ATRNL1: variants seen among roughly 807,000 people sequenced by gnomAD.
The protein encoded by ATRNL1 is attractin like 1.
A neutral mutation model predicts 182.7 loss-of-function variants in ATRNL1; 95 were observed. That is an observed-to-expected ratio of 0.52 (90% CI 0.44 to 0.62). The LOEUF (loss-of-function observed/expected upper bound fraction) is 0.62. Ranked by LOEUF, ATRNL1 falls within the 20% of genes least tolerant of loss-of-function variation. The pLI, the probability that ATRNL1 is intolerant of heterozygous loss-of-function variation, is 0.00. For missense variants in ATRNL1, 1,471 were observed against 1,679.5 expected, an observed-to-expected ratio of 0.88 and a Z score of 2.17; for synonymous variants, 576 against 568.3, an observed-to-expected ratio of 1.01 and a Z score of -0.19.
intron 1 of ATRNL1, among the ~76,000 whole-genome samples, chr10:115,108,843 C>G (rs1554866953): frequency 6.6e-6 from 1 of 152,188 alleles, no homozygotes; most frequent in African/African-American, 2.4e-5. Flanking sequence ...TAATTCCTTT[C>G]TAACTCCCAT....
At chr10:115,730,675 C>T (rs1947770589) in intron 27 of ATRNL1, among the ~76,000 whole-genome samples, 1 of 152,026 alleles carries the variant, frequency 6.6e-6, no homozygotes, top group Non-Finnish European at 1.5e-5. Flanking sequence ...GTTATCTAGC[C>T]ATCTGCTTTT....
At chr10:115,443,117 G>A (rs1592665344) in intron 21 of ATRNL1, among the ~76,000 whole-genome samples, 1 of 152,004 alleles carries the variant, frequency 6.6e-6, no homozygotes, top group Middle Eastern at 3.4e-3. Context: ...TACATTTTCT[G>A]TTGAATGTAA....
chr10:115,509,734 A>C (rs1186622596), intron 24 of ATRNL1, among the ~76,000 whole-genome samples: 1 of 152,018 alleles, frequency 6.6e-6, no homozygotes, highest in African/African-American at 2.4e-5. Context: ...GAATGGTCTA[A>C]GTACAATAAC....
chr10:115,671,721 A>T (rs74158231), intron 26 of ATRNL1, among the ~76,000 whole-genome samples: 1,767 of 152,260 alleles, frequency 0.012, 36 homozygotes, highest in African/African-American at 0.04. Flanking sequence ...CCTCCAAAGG[A>T]AAGGGATCTT....
chr10:115,247,518 CAAAA>C (rs1554904374), intron 10 of ATRNL1, among the ~76,000 whole-genome samples: 1 of 151,832 alleles, frequency 6.6e-6, no homozygotes, highest in Admixed American at 6.6e-5. Flanking sequence ...ATCAAAAAGA[CAAAA>C]AAATAACAAA....
chr10:115,597,232 G>A (rs1555014291), intron 26 of ATRNL1, among the ~76,000 whole-genome samples: 1 of 152,092 alleles, frequency 6.6e-6, no homozygotes, highest in East Asian at 1.9e-4. Flanking sequence ...TGAGGCTCTA[G>A]TGAATCATGT....
chr10:115,204,908 T>A (rs1212276568), intron 8 of ATRNL1, among the ~76,000 whole-genome samples: 3 of 152,090 alleles, frequency 2.0e-5, no homozygotes, highest in Non-Finnish European at 1.5e-5. Flanking sequence ...TTCCTGGGCT[T>A]TCTTTGTTGG....
chr10:115,156,722 T>A lies in ATRNL1; in HGVS notation c.830-3318T>A, dbSNP rs1382772029. ...TTTATTACACCCTTTAAAAAACAGCTGAGATATACTACCTTGAGAAATTGT... is the reference window on the plus strand; with the variant it reads ...TTTATTACACCCTTTAAAAAACAGCAGAGATATACTACCTTGAGAAATTGT... On this transcript the variant is annotated intron_variant, in intron 5 of 28. Coordinates refer to ENST00000355044, the MANE Select transcript of ATRNL1 (RefSeq NM_207303.4). 2.6e-5 allele frequency among the ~76,000 whole-genome samples: 4 copies of A among 152,130 alleles called. No individual in the cohort carries two copies. The East Asian group carries it at 7.7e-4, about 29-fold the overall frequency.
chr10:115,505,931 C>A (rs1281770341), intron 24 of ATRNL1, among the ~76,000 whole-genome samples: 12 of 150,628 alleles, frequency 8.0e-5, no homozygotes, highest in Non-Finnish European at 1.8e-4. Context: ...ATTCAGGAAC[C>A]AAACCCAGGG....
chr10:115,882,437 G>A (rs7080725), intron 28 of ATRNL1, among the ~76,000 whole-genome samples: 3,713 of 152,244 alleles, frequency 0.024, 72 homozygotes, highest in African/African-American at 0.056. Flanking sequence ...CACTGAGTTA[G>A]TTGTTCTTTC....
intron 27 of ATRNL1, among the ~76,000 whole-genome samples, chr10:115,837,314 C>T (rs995022067): frequency 2.0e-4 from 30 of 152,162 alleles, no homozygotes; most frequent in African/African-American, 7.2e-4. Flanking sequence ...TTGATTCCTG[C>T]AGGAAGACCC....
At chr10:115,344,785 A>G (rs1295638162) in intron 19 of ATRNL1, among the ~76,000 whole-genome samples, 2 of 152,180 alleles carry the variant, frequency 1.3e-5, no homozygotes, top group South Asian at 2.1e-4. Context: ...TAAGACCCTC[A>G]ACATAGAACG....
intron 26 of ATRNL1, among the ~76,000 whole-genome samples, chr10:115,666,085 A>G (rs1860983370): frequency 6.6e-6 from 1 of 152,168 alleles, no homozygotes; most frequent in Admixed American, 6.6e-5. Context: ...TTAAATTCAA[A>G]GGACACCTGT....
intron 24 of ATRNL1, among the ~76,000 whole-genome samples, chr10:115,500,322 A>ATTTTT (rs1849759656): frequency 2.0e-5 from 3 of 152,224 alleles, no homozygotes; most frequent in Admixed American, 2.0e-4. Context: ...AATTGAAAAC[A>ATTTTT]TTAGTTTGCA....
intron 18 of ATRNL1, 89 bp from the exon 19 acceptor site, chr10:115,334,193 C>A: frequency 2.3e-6 from 2 of 888,546 alleles, no homozygotes; most frequent in Non-Finnish European, 1.6e-6. Context: ...TTTTACAATC[C>A]AGCTTTTTAA....
intron 26 of ATRNL1, among the ~76,000 whole-genome samples, chr10:115,567,023 C>T (rs1854113483): frequency 6.6e-6 from 1 of 152,118 alleles, no homozygotes; most frequent in African/African-American, 2.4e-5. Context: ...ACCTGTTTGT[C>T]CAGCCAGGAC....
chr10:115,173,960 C>CT (rs1554886248), intron 8 of ATRNL1, among the ~76,000 whole-genome samples: 2 of 147,700 alleles, frequency 1.4e-5, no homozygotes, highest in Non-Finnish European at 3.0e-5. Flanking sequence ...GTCATTCTTG[C>CT]TTTTTTGTTG....
chr10:115,545,234 C>CAA lies in ATRNL1; in HGVS notation c.3717-4202_3717-4201dup, dbSNP rs71010026. On this transcript the variant is annotated intron_variant, in intron 25 of 28. Transcript: ENST00000355044. ...TGGGTGACAGAGCGAGACTCCGTAT[C>CAA]AAAAAAAAAAAAAAAAAAAAAAAGA... 6.8e-4 allele frequency among the ~76,000 whole-genome samples: 64 copies of CAA among 94,794 alleles called. 1 individual carries two copies. Among genetic ancestry groups the CAA allele is most frequent in the East Asian group, 8.3e-4 (2 of 2,424 alleles). 62.2% of individuals were successfully genotyped at this position (94,794 alleles called of 152,430 possible). A position where few individuals can be genotyped will look rare whatever the true frequency, so the allele number is the denominator to read the frequency against.
chr10:115,102,965 A>G (rs1025021549), intron 1 of ATRNL1, among the ~76,000 whole-genome samples: 1 of 148,682 alleles, frequency 6.7e-6, no homozygotes, highest in African/African-American at 2.5e-5. Flanking sequence ...TTTTTCATCT[A>G]TTTGGGTTTT....
Sources: allele counts gnomAD v4.1 joint callset (sites outside exome capture counted in the v4.1 genomes callset), GRCh38; gene constraint gnomAD v4.1.1; transcripts MANE v1.5; gene names NCBI Gene and HGNC (gene_info 2026-07-23, HGNC 2026-07-21).